Variants in PRRC2B observed in about 807,000 individuals in gnomAD.
PRRC2B encodes proline rich coiled-coil 2B, also known as protein PRRC2B.
A neutral mutation model predicts 242.3 loss-of-function variants in PRRC2B; 68 were observed. That is an observed-to-expected ratio of 0.28 (90% CI 0.23 to 0.34). The LOEUF (loss-of-function observed/expected upper bound fraction) is 0.34. Among genes scored for constraint, PRRC2B ranks in the 10% least tolerant of loss-of-function variants. The pLI, the probability that PRRC2B is intolerant of heterozygous loss-of-function variation, is 1.00. For missense variants in PRRC2B, 2,835 were observed against 2,954.8 expected (o/e 0.96, Z 0.94); for synonymous variants, 1,228 against 1,173.6 (o/e 1.05, Z -0.95).
intron 1 of PRRC2B, among the ~76,000 whole-genome samples, chr9:131,408,343 C>G (rs573188511): frequency 1.6e-4 from 25 of 152,236 alleles, no homozygotes; most frequent in African/African-American, 6.0e-4. Flanking sequence ...GATACATGTA[C>G]TGGAGTGTTG....
intron 4 of PRRC2B, 69 bp downstream of exon 4, chr9:131,436,791 G>A: frequency 3.1e-6 from 4 of 1,296,864 alleles, no homozygotes; most frequent in Non-Finnish European, 4.4e-6. Context: ...TGTTGCTGGG[G>A]GATGGAAGGA....
At chr9:131,442,430 G>GC (rs948882210) in intron 5 of PRRC2B, among the ~76,000 whole-genome samples, 2 of 152,150 alleles carry the variant, frequency 1.3e-5, no homozygotes, top group African/African-American at 4.8e-5. Context: ...CTGAGTCAGA[G>GC]CCCCCTTCAC....
chr9:131,483,961 G>T (rs1943943896), intron 23 of PRRC2B, among the ~76,000 whole-genome samples: 1 of 152,240 alleles, frequency 6.6e-6, no homozygotes, highest in South Asian at 2.1e-4. Flanking sequence ...GCAGGGGTGG[G>T]TGCTAGTGCA....
intron 1 of PRRC2B, among the ~76,000 whole-genome samples, chr9:131,424,422 C>T (rs1837928668): frequency 1.3e-5 from 2 of 152,134 alleles, no homozygotes; most frequent in African/African-American, 4.8e-5. Context: ...TGTGGTGGCT[C>T]ACGCTTGTAA....
chr9:131,375,110 A>T (rs1359682091), intron 1 of PRRC2B, among the ~76,000 whole-genome samples: 2 of 152,200 alleles, frequency 1.3e-5, no homozygotes, highest in Non-Finnish European at 2.9e-5. Context: ...CATCTTCAAA[A>T]TAAGGGCACT....
chr9:131,386,857 T>G (rs1836832795), intron 1 of PRRC2B, among the ~76,000 whole-genome samples: 1 of 149,582 alleles, frequency 6.7e-6, no homozygotes, highest in African/African-American at 2.4e-5. Context: ...AGGAGTTTAT[T>G]AAGTATTAAT....
chr9:131,424,686 A>G (rs1184081299), intron 1 of PRRC2B, among the ~76,000 whole-genome samples: 1 of 152,128 alleles, frequency 6.6e-6, no homozygotes, highest in Non-Finnish European at 1.5e-5. Flanking sequence ...CCTCTGTCTC[A>G]AAAAAAGAAA....
intron 1 of PRRC2B, among the ~76,000 whole-genome samples, chr9:131,416,061 T>G (rs1415686515): frequency 1.3e-5 from 2 of 152,062 alleles, no homozygotes; most frequent in Non-Finnish European, 2.9e-5. Context: ...ATCGCTCATT[T>G]TCTGAGATTT....
At position 131,476,385 on chromosome 9, in the gene PRRC2B, G is replaced by A. The variant is rs754210184; in HGVS notation, c.4256G>A (p.Arg1419Lys). ...GGTGAGAAGAAGGAGCTGGCCAAGAGGAGCTTCTCCAGTCAGAGACCCGTG... is the reference window on the plus strand; with the variant it reads ...GGTGAGAAGAAGGAGCTGGCCAAGAAGAGCTTCTCCAGTCAGAGACCCGTG... ...SLGEKKELAK[R>K]SFSSQRPVVD... Residue 1419 changes from arginine to lysine, a missense_variant, in exon 16 of 32, where the codon AGG becomes AAG. Coordinates refer to ENST00000683519, the MANE Select transcript of PRRC2B (RefSeq NM_013318.4). 1.9e-5 allele frequency: 31 copies of A among 1,604,436 alleles called. No individual in the cohort carries two copies. The highest frequency in any genetic ancestry group is 2.5e-5 in the Non-Finnish European group (29 of 1,175,572).
At chr9:131,394,402 G>T (rs182293592) in intron 1 of PRRC2B, 139 bp downstream of exon 1, 14,827 of 145,900 alleles carry the variant, frequency 0.1, 949 homozygotes, top group African/African-American at 0.18. Flanking sequence ...ACCTTTGTCC[G>T]CGAGCGCGGC....
chr9:131,444,277 A>G lies in PRRC2B; in HGVS notation c.562A>G (p.Lys188Glu). ...AGGGCAGGACAAGGCTGGCAAAGAA[A>G]AGGGCGTCTTAGATCTGTCGTATGG... ...AGGQDKAGKEKGVLDLSYGPG... is the reference protein window; with the variant it reads ...AGGQDKAGKEEGVLDLSYGPG... Residue 188 changes from lysine to glutamate, a missense_variant, in exon 6 of 32, where the codon AAG (lysine) becomes GAG (glutamate). Lys to Glu is a moderately conservative substitution (Grantham distance 56, BLOSUM62 1). This residue lies in a region of PRRC2B where 626 missense variants were observed against 685.5 expected (regional missense o/e 0.91). Transcript: ENST00000683519. The G allele has an allele frequency of 6.2e-7, 1 of 1,613,824 alleles. No homozygotes were observed. Among genetic ancestry groups the G allele is most frequent in the African/African-American group, 1.3e-5 (1 of 75,046 alleles).
At chr9:131,426,597 G>T (rs902141633) in intron 1 of PRRC2B, among the ~76,000 whole-genome samples, 1 of 152,098 alleles carries the variant, frequency 6.6e-6, no homozygotes, top group African/African-American at 2.4e-5. Context: ...AAGCAGCCAG[G>T]TCATGGGCAC....
intron 1 of PRRC2B, among the ~76,000 whole-genome samples, chr9:131,382,932 A>G (rs1450459596): frequency 6.6e-6 from 1 of 151,796 alleles, no homozygotes; most frequent in Non-Finnish European, 1.5e-5. Context: ...GGCCTGAGCC[A>G]CCGCACCCAG....
rs369581067 is a variant in PRRC2B at position 131,463,431 on chromosome 9, G to A, written c.1405-1332G>A. Among the ~76,000 whole-genome samples, 8 of 152,124 alleles carry A rather than the reference G, an allele frequency of 5.3e-5. No individual in the cohort carries two copies. In the East Asian group the frequency reaches 9.7e-4, roughly 18 times the overall value. ...ACTAGCATTCAAAATAGGAAGTTCT[G>A]TCTTTTTCTGGTACTCAGATCTCAT... On this transcript the variant is annotated intron_variant, in intron 11 of 31. Transcript: ENST00000683519.
chr9:131,469,457 C>T (rs1202851966), intron 13 of PRRC2B, among the ~76,000 whole-genome samples: 1 of 152,128 alleles, frequency 6.6e-6, no homozygotes, highest in African/African-American at 2.4e-5. Flanking sequence ...GATGGAGGCC[C>T]ACAGCCTTCT....
At chr9:131,442,748 G>C (rs1245029202) in intron 5 of PRRC2B, among the ~76,000 whole-genome samples, 2 of 152,182 alleles carry the variant, frequency 1.3e-5, no homozygotes, top group Non-Finnish European at 2.9e-5. Context: ...TGTCGCCACT[G>C]TTCCTAGATT....
chr9:131,436,758 G>A (rs201706833), intron 4 of PRRC2B, 36 bp downstream of exon 4: 75 of 1,538,608 alleles, frequency 4.9e-5, no homozygotes, highest in Middle Eastern at 3.4e-4. Context: ...TGTTTCCTGG[G>A]CATGGTAGCC....
At chr9:131,478,181 TA>T (rs1348038670) in intron 17 of PRRC2B, among the ~76,000 whole-genome samples, 1 of 152,140 alleles carries the variant, frequency 6.6e-6, no homozygotes, top group Non-Finnish European at 1.5e-5. Flanking sequence ...TTCCGGGCTT[TA>T]AAGAGAGGAA....
chr9:131,481,842 G>A, intron 20 of PRRC2B, 34 bp downstream of exon 20: 1 of 1,528,200 alleles, frequency 6.5e-7, no homozygotes, highest in Non-Finnish European at 8.8e-7. Context: ...GCTGCCCCTG[G>A]GATGAGTGTG....
Sources: allele counts gnomAD v4.1 joint callset (sites outside exome capture counted in the v4.1 genomes callset), GRCh38; gene constraint gnomAD v4.1.1; regional missense constraint gnomAD v4.1.1; transcripts MANE v1.5; gene names NCBI Gene and HGNC (gene_info 2026-07-23, HGNC 2026-07-21).